COG6: variants seen among roughly 807,000 people sequenced by gnomAD.
The protein encoded by COG6 is conserved oligomeric Golgi complex subunit 6.
COG6 carries 74 observed loss-of-function variants against 88.8 expected under a neutral mutation model. The observed-to-expected ratio is 0.83, with a 90% CI of 0.69 to 1.01. The LOEUF is 1.01. Ranked by LOEUF, COG6 falls within the 50% of genes least tolerant of loss-of-function variation. The probability of loss-of-function intolerance (pLI) is 0.00; values close to 1 mark genes in which losing one functional copy is unlikely to be tolerated. For synonymous variants in COG6, 286 were observed against 278.7 expected (o/e 1.03, Z -0.26); for missense variants, 800 against 797.9 (o/e 1.00, Z -0.03).
intron 18 of COG6, among the ~76,000 whole-genome samples, chr13:39,730,818 A>AT (rs1879404874): frequency 7.4e-6 from 1 of 134,764 alleles, no homozygotes; most frequent in Non-Finnish European, 1.6e-5. Context: ...ATTAAAGGAG[A>AT]TTTTCTTATT....
At position 39,694,715 on chromosome 13, in the gene COG6, C is replaced by T. The variant is rs200404737; in HGVS notation, c.1156C>T (p.His386Tyr). The T allele has an allele frequency of 6.4e-7, 1 of 1,555,796 alleles. No individual in the cohort carries two copies. The highest frequency in any genetic ancestry group is 1.1e-5 in the South Asian group (1 of 88,452). ...KISNLLKFYHHTISGIVGNSA... is the reference protein window; with the variant it reads ...KISNLLKFYHYTISGIVGNSA... ...TTCTAATCTCCTCAAATTTTATCAC[C>T]ATACAATCAGGTAAGTAGAATGGCA... The change falls in exon 12 of 19, where the codon CAT becomes TAT. Residue 386 changes from histidine to tyrosine, a missense_variant. By Grantham distance (83) the His-to-Tyr change is moderately conservative (BLOSUM62 2). Transcript: ENST00000455146.
downstream of COG6, among the ~76,000 whole-genome samples, chr13:39,756,442 G>A (rs906683696): frequency 6.6e-6 from 1 of 152,088 alleles, no homozygotes; most frequent in Non-Finnish European, 1.5e-5. Context: ...CAGAGAAAAA[G>A]AGAAAGAGTC....
chr13:39,694,868 C>A, intron 12 of COG6, 143 bp downstream of exon 12: 2 of 501,652 alleles, frequency 4.0e-6, no homozygotes, highest in Non-Finnish European at 7.5e-6. Flanking sequence ...ACTTCCACAC[C>A]ATGTAAATCA....
chr13:39,690,410 A>G (rs147634816), intron 11 of COG6, among the ~76,000 whole-genome samples: 30 of 152,076 alleles, frequency 2.0e-4, no homozygotes, highest in African/African-American at 6.5e-4. Flanking sequence ...TAAAACACCT[A>G]TCATCCAGGG....
chr13:39,772,671 C>T (rs1881353987), intron 18 of COG6, among the ~76,000 whole-genome samples: 1 of 152,244 alleles, frequency 6.6e-6, no homozygotes, highest in Non-Finnish European at 1.5e-5. Context: ...TTCTCAGACT[C>T]ACTGTGCTGG....
At chr13:39,663,588 G>C (rs1463590942) in intron 3 of COG6, among the ~76,000 whole-genome samples, 1 of 152,096 alleles carries the variant, frequency 6.6e-6, no homozygotes, top group Non-Finnish European at 1.5e-5. Context: ...CTATCATGTT[G>C]AGCTCCATTC....
At chr13:39,718,168 G>T (rs1878635553) in intron 13 of COG6, among the ~76,000 whole-genome samples, 3 of 152,046 alleles carry the variant, frequency 2.0e-5, no homozygotes, top group African/African-American at 4.8e-5. Flanking sequence ...TTGTTTGCTT[G>T]CATGTTTTAT....
chr13:39,762,360 A>T (rs1381887714), intron 18 of COG6, among the ~76,000 whole-genome samples: 1 of 151,884 alleles, frequency 6.6e-6, no homozygotes, highest in Non-Finnish European at 1.5e-5. Context: ...AGAGGCAGGG[A>T]CATGTAAGGA....
chr13:39,786,072 G>A (rs745711873), intron 18 of COG6, among the ~76,000 whole-genome samples: 1 of 152,140 alleles, frequency 6.6e-6, no homozygotes, highest in Non-Finnish European at 1.5e-5. Flanking sequence ...CACTCCAACA[G>A]CAGGAAACAT....
chr13:39,728,320 T>C (rs891570158), intron 18 of COG6, among the ~76,000 whole-genome samples: 2 of 152,210 alleles, frequency 1.3e-5, no homozygotes, highest in East Asian at 3.9e-4. Flanking sequence ...ACATTTCAGA[T>C]ATCTAAAAGA....
At position 39,723,319 on chromosome 13, in the gene COG6, G is replaced by C. The variant is rs764984791; in HGVS notation, c.1585-14G>C. 2 of 1,510,518 alleles carry C rather than the reference G, an allele frequency of 1.3e-6. No homozygotes were observed. Among genetic ancestry groups the C allele is most frequent in the Non-Finnish European group, 1.8e-6 (2 of 1,086,280 alleles). The allele number at this position is 1,510,518 out of a possible 1,614,324, so 93.6% of individuals were successfully genotyped here. On this transcript the variant is annotated splice_polypyrimidine_tract_variant and intron_variant, in intron 15 of 18. Coordinates refer to ENST00000455146, the MANE Select transcript of COG6 (RefSeq NM_020751.3). ...ATTCTTCTTTTAAAATGTTTTCTTT[G>C]TGTTTTATTTTAGATCGAAGCACAT...
chr13:39,762,112 CT>C (rs1188757830), intron 18 of COG6, among the ~76,000 whole-genome samples: 1 of 151,890 alleles, frequency 6.6e-6, no homozygotes, highest in East Asian at 1.9e-4. Context: ...ATGGAATCAA[CT>C]TGTGTCCTTT....
chr13:39,747,480 A>G (rs1880406544), intron 18 of COG6, among the ~76,000 whole-genome samples: 1 of 151,656 alleles, frequency 6.6e-6, no homozygotes, highest in Admixed American at 6.6e-5. Context: ...ATTTCTTTTT[A>G]TCCAGCGGCT....
intron 13 of COG6, among the ~76,000 whole-genome samples, chr13:39,718,236 T>C (rs989797578): frequency 1.3e-5 from 2 of 152,078 alleles, no homozygotes; most frequent in South Asian, 4.1e-4. Flanking sequence ...CATGCTTACT[T>C]TGCTATTCCT....
chr13:39,723,250 C>A (rs987365389), intron 15 of COG6, 83 bp from the exon 16 acceptor site: 12 of 810,258 alleles, frequency 1.5e-5, no homozygotes, highest in Non-Finnish European at 2.4e-5. Flanking sequence ...TGTGCCTCAT[C>A]ATCAGTGCCA....
At chr13:39,778,935 C>G (rs561212087) in intron 18 of COG6, among the ~76,000 whole-genome samples, 27 of 152,272 alleles carry the variant, frequency 1.8e-4, no homozygotes, top group Non-Finnish European at 3.1e-4. Flanking sequence ...TGTCTTACAT[C>G]CTAGCCTAAG....
intron 18 of COG6, among the ~76,000 whole-genome samples, chr13:39,741,701 C>T (rs1407542130): frequency 2.6e-5 from 4 of 152,108 alleles, no homozygotes; most frequent in Admixed American, 6.5e-5. Context: ...TCCAGGAGAA[C>T]TTCCCCAACC....
At chr13:39,671,364 C>T (rs1000428180) in intron 4 of COG6, among the ~76,000 whole-genome samples, 9 of 150,708 alleles carry the variant, frequency 6.0e-5, no homozygotes, top group African/African-American at 7.3e-5. Flanking sequence ...CTTTTTTTTG[C>T]GTAACATTTT....
chr13:39,660,696 T>A lies in COG6; in HGVS notation c.298-114T>A, dbSNP rs929159408. ...ATTTTAAATATGGGATCTCTTGTCATGCCTTGACCAAAAAAATAAAAAATT... is the reference window on the plus strand; with the variant it reads ...ATTTTAAATATGGGATCTCTTGTCAAGCCTTGACCAAAAAAATAAAAAATT... On this transcript the variant is annotated intron_variant, in intron 2 of 18. Transcript: ENST00000455146. 7.1e-6 allele frequency: 5 copies of A among 705,850 alleles called. No homozygotes were observed. The African/African-American group carries it at 7.1e-5, about 10-fold the overall frequency. 43.7% of individuals were successfully genotyped at this position (705,850 alleles called of 1,614,324 possible).
Sources: allele counts gnomAD v4.1 joint callset (sites outside exome capture counted in the v4.1 genomes callset), GRCh38; gene constraint gnomAD v4.1.1; transcripts MANE v1.5; gene names NCBI Gene and HGNC (gene_info 2026-07-23, HGNC 2026-07-21).